Variants in CHMP7 observed in about 807,000 individuals in gnomAD.
CHMP7 encodes the protein CHMP family, member 7.
In CHMP7, 15 loss-of-function variants were observed where a neutral mutation model predicts 53.7. The observed-to-expected ratio is 0.28, with a 90% confidence interval of 0.19 to 0.43. CHMP7 has a LOEUF of 0.43. Among genes scored for constraint, CHMP7 ranks in the 20% least tolerant of loss-of-function variants. The pLI, the probability that CHMP7 is intolerant of heterozygous loss-of-function variation, is 1.00. For missense variants in CHMP7, 527 were observed against 569.4 expected, an observed-to-expected ratio of 0.93 and a Z score of 0.76; for synonymous variants, 261 against 228.0, an observed-to-expected ratio of 1.14 and a Z score of -1.30.
chr8:23,256,156 A>G (rs1802116333), intron 4 of CHMP7, among the ~76,000 whole-genome samples: 2 of 152,222 alleles, frequency 1.3e-5, no homozygotes, highest in Non-Finnish European at 2.9e-5. Flanking sequence ...TTAAGTGAAA[A>G]GGTAAAAGTT....
intron 3 of CHMP7, 59 bp from the exon 4 acceptor site, chr8:23,255,188 G>C: frequency 6.4e-7 from 1 of 1,566,966 alleles, no homozygotes; most frequent in Non-Finnish European, 8.8e-7. Flanking sequence ...TCAGGGTCAG[G>C]GTCCCTGCAT....
At chr8:23,249,413 A>G in intron 3 of CHMP7, 32 bp downstream of exon 3, 1 of 1,540,634 alleles carries the variant, frequency 6.5e-7, no homozygotes, top group East Asian at 2.3e-5. Flanking sequence ...TCTGGGTGTC[A>G]CCTGGTGTGA....
chr8:23,258,309 C>T, intron 6 of CHMP7, 21 bp from the exon 7 acceptor site: 2 of 1,614,134 alleles, frequency 1.2e-6, no homozygotes, highest in South Asian at 2.2e-5. Flanking sequence ...TCAGCACTGA[C>T]CTAAGTCTCC....
At position 23,260,189 on chromosome 8, in the gene CHMP7, A is replaced by G. The variant is rs748918143; in HGVS notation, c.1166A>G (p.Gln389Arg). ...GAGAAGGAATTGGACATCCTCCTTC[A>G]GGATACCACCAAAGAACCTTTGGAT... is the stretch of plus-strand genomic sequence containing the variant. ...ELEKELDILL[Q>R]DTTKEPLDLP... Residue 389 changes from glutamine (Q) to arginine (R), a missense_variant, in exon 10 of 11, where the codon CAG becomes CGG. Gln to Arg is a conservative substitution (Grantham distance 43, BLOSUM62 1). Coordinates refer to ENST00000397677, the MANE Select transcript of CHMP7 (RefSeq NM_152272.5). The G allele has an allele frequency of 3.1e-6, 5 of 1,614,072 alleles. No homozygotes were observed. The African/African-American group carries it at 6.7e-5, about 22-fold the overall frequency.
intron 3 of CHMP7, 167 bp from the exon 4 acceptor site, chr8:23,255,080 A>T: frequency 1.5e-6 from 1 of 677,348 alleles, no homozygotes; most frequent in Non-Finnish European, 2.5e-6. Flanking sequence ...CAAGGCTTAA[A>T]AACACAGATC....
At chr8:23,247,962 C>A (rs755768350) in intron 2 of CHMP7, 2 of 391,752 alleles carry the variant, frequency 5.1e-6, no homozygotes, top group South Asian at 3.4e-5. Flanking sequence ...ATTAAGAGAT[C>A]TCCCTTCTCT....
At chr8:23,251,611 G>GT (rs1408221400) in intron 3 of CHMP7, among the ~76,000 whole-genome samples, 3 of 152,162 alleles carry the variant, frequency 2.0e-5, no homozygotes, top group Non-Finnish European at 4.4e-5. Flanking sequence ...ACAGACACGT[G>GT]TACACATCAC....
intron 8 of CHMP7, 112 bp downstream of exon 8, chr8:23,258,942 A>T: frequency 2.8e-6 from 3 of 1,058,402 alleles, no homozygotes; most frequent in Non-Finnish European, 4.5e-6. Flanking sequence ...TGTGAACTTG[A>T]GGAAGCTTTC....
At chr8:23,259,552 G>T (rs550077547) in intron 9 of CHMP7, among the ~76,000 whole-genome samples, 5 of 152,022 alleles carry the variant, frequency 3.3e-5, no homozygotes, top group Non-Finnish European at 7.4e-5. Context: ...GTAGAGATGG[G>T]GTTTCACCTG....
chr8:23,254,931 C>T (rs923562610), intron 3 of CHMP7: 2 of 418,494 alleles, frequency 4.8e-6, no homozygotes, highest in Middle Eastern at 7.4e-4. Flanking sequence ...TCTACCTCAC[C>T]TCACCTCCTC....
At chr8:23,256,328 T>C in intron 4 of CHMP7, 132 bp from the exon 5 acceptor site, 1 of 693,630 alleles carries the variant, frequency 1.4e-6, no homozygotes, top group Non-Finnish European at 2.6e-6. Context: ...CACAGGGGAT[T>C]CCATTCACTG....
chr8:23,259,111 G>C lies in CHMP7; in HGVS notation c.1105G>C (p.Val369Leu). 6.3e-7 allele frequency: 1 copy of C among 1,591,322 alleles called. No individual in the cohort carries two copies. Among genetic ancestry groups the C allele is most frequent in the East Asian group, 2.2e-5 (1 of 44,738 alleles). The change falls in exon 9 of 11, where the codon GTA becomes CTA. Residue 369 changes from valine to leucine, a missense_variant. Physicochemically the swap from Val to Leu is conservative, Grantham distance 32. Coordinates refer to ENST00000397677, the MANE Select transcript of CHMP7 (RefSeq NM_152272.5). Reference protein sequence around the residue: ...DEVSQTLAGGVTNGLDFDSEE... With the variant: ...DEVSQTLAGGLTNGLDFDSEE... The stretch of plus-strand genomic sequence containing the variant: ...AGTTTCTCAGACTCTGGCTGGTGGG[G>C]TAACAAATGGCTTAGGTGAGTGGAC...
intron 1 of CHMP7, among the ~76,000 whole-genome samples, chr8:23,245,392 T>C (rs546592492): frequency 1.3e-5 from 2 of 152,382 alleles, no homozygotes; most frequent in East Asian, 3.9e-4. Context: ...TATGATCATA[T>C]GATTTTTCTT....
In CHMP7 at chr8:23,261,297, G is replaced by C. The variant is rs773316804; in HGVS notation, c.*698G>C. 8.5e-5 allele frequency: 13 copies of C among 152,612 alleles called. No homozygotes were observed. Among genetic ancestry groups the C allele is most frequent in the Admixed American group, 6.5e-4 (10 of 15,298 alleles). The allele number at this position is 152,612 out of a possible 1,614,324, so 9.5% of individuals were successfully genotyped here. On this transcript the variant is annotated 3_prime_UTR_variant, in exon 11 of 11. Transcript: ENST00000397677. ...TGGAGCCAGGAGGTCCGCCGGTGGG[G>C]GAAAGGCTTCTTCCGAGGCTTCTGC... is the stretch of plus-strand genomic sequence containing the variant.
At chr8:23,255,002 G>T in intron 3 of CHMP7, 1 of 548,444 alleles carries the variant, frequency 1.8e-6, no homozygotes, top group East Asian at 3.2e-5. Context: ...CCCGATGGGC[G>T]TGCAGCGCAG....
Position 23,257,994 on chromosome 8 carries a change from C to G in CHMP7, c.792-39C>G, listed in dbSNP as rs751225986. 4 of 1,499,242 alleles carry G rather than the reference C, an allele frequency of 2.7e-6. No individual in the cohort carries two copies. In the Admixed American group the frequency reaches 6.9e-5, roughly 26 times the overall value. 92.9% of individuals were successfully genotyped at this position (1,499,242 alleles called of 1,614,324 possible). On this transcript the variant is annotated intron_variant, in intron 5 of 10. Coordinates refer to ENST00000397677, the MANE Select transcript of CHMP7 (RefSeq NM_152272.5). ...CCCTTTGGGACCCTGCCACTCCCATCCTGTGGCACAGTAATCTTATCTGTC... is the reference window on the plus strand; with the variant it reads ...CCCTTTGGGACCCTGCCACTCCCATGCTGTGGCACAGTAATCTTATCTGTC...
At chr8:23,244,005 T>TC (rs1461208584) in intron 1 of CHMP7, among the ~76,000 whole-genome samples, 161 bp downstream of exon 1, 1 of 151,964 alleles carries the variant, frequency 6.6e-6, no homozygotes, top group Non-Finnish European at 1.5e-5. Context: ...CTTTTTCTTT[T>TC]TTTTTTGAGT....
Position 23,255,437 on chromosome 8 carries a change from G to A in CHMP7, c.657+5G>A. On this transcript the variant is annotated splice_donor_5th_base_variant and intron_variant, in intron 4 of 10. Coordinates refer to ENST00000397677, the MANE Select transcript of CHMP7 (RefSeq NM_152272.5). ...CTCGAGCAGAACGGGGAGAAGGTAT[G>A]GAGGCTCATCTGTTCATTCACTGAC... 1.2e-6 allele frequency: 2 copies of A among 1,613,656 alleles called. No individual in the cohort carries two copies. Among genetic ancestry groups the A allele is most frequent in the Non-Finnish European group, 1.7e-6 (2 of 1,179,536 alleles).
chr8:23,260,185 C>T lies in CHMP7; in HGVS notation c.1162C>T (p.Leu388Phe). The T allele has an allele frequency of 6.2e-7, 1 of 1,614,186 alleles. No homozygotes were observed. The highest frequency in any genetic ancestry group is 8.5e-7 in the Non-Finnish European group (1 of 1,180,020). ...ACTGGAGAAGGAATTGGACATCCTC[C>T]TTCAGGATACCACCAAAGAACCTTT... ...EELEKELDIL[L>F]QDTTKEPLDL... Residue 388 changes from leucine (L) to phenylalanine (F), a missense_variant, in exon 10 of 11, where the codon CTT (leucine) becomes TTT (phenylalanine). Leu to Phe is a conservative substitution (Grantham distance 22). Transcript: ENST00000397677.
Sources: allele counts gnomAD v4.1 joint callset (sites outside exome capture counted in the v4.1 genomes callset), GRCh38; gene constraint gnomAD v4.1.1; transcripts MANE v1.5; gene names NCBI Gene and HGNC (gene_info 2026-07-23, HGNC 2026-07-21).